UNC5D: variants seen among roughly 807,000 people sequenced by gnomAD.
The protein encoded by UNC5D is netrin receptor UNC5D.
In UNC5D, 39 loss-of-function variants were observed where a neutral mutation model predicts 105.4. That is an observed-to-expected ratio of 0.37 (90% CI 0.29 to 0.48). UNC5D has a LOEUF of 0.48. Ranked by LOEUF, UNC5D falls within the 20% of genes least tolerant of loss-of-function variation. The pLI is 0.98. For missense variants in UNC5D, 991 were observed against 1,202.4 expected, an observed-to-expected ratio of 0.82 and a Z score of 2.60; for synonymous variants, 452 against 450.4, an observed-to-expected ratio of 1.00 and a Z score of -0.04.
At chr8:35,654,197 A>G (rs1265152854) in intron 4 of UNC5D, among the ~76,000 whole-genome samples, 1 of 152,118 alleles carries the variant, frequency 6.6e-6, no homozygotes, top group Non-Finnish European at 1.5e-5. Context: ...GGTTACATGG[A>G]TAAATCCTGT....
intron 1 of UNC5D, among the ~76,000 whole-genome samples, chr8:35,368,094 C>A (rs906389655): frequency 6.6e-6 from 1 of 152,122 alleles, no homozygotes; most frequent in Non-Finnish European, 1.5e-5. Flanking sequence ...TGACATATTT[C>A]CAAATGCCTG....
intron 3 of UNC5D, 36 bp from the exon 4 acceptor site, chr8:35,595,518 G>C (rs1263112184): frequency 1.9e-6 from 3 of 1,600,548 alleles, no homozygotes; most frequent in African/African-American, 2.7e-5. Flanking sequence ...CACTAGACTT[G>C]AAACAAAGTG....
At position 35,346,846 on chromosome 8, in the gene UNC5D, C is replaced by CT. The variant is rs529742287; in HGVS notation, c.103+110967dup. On this transcript the variant is annotated intron_variant, in intron 1 of 16. Transcript: ENST00000404895. ...GTTCACTGCTCCTTAATATATACAT[C>CT]TTTTTTTTCTTCTAATGATTCTGTA... 2.3e-4 allele frequency among the ~76,000 whole-genome samples: 35 copies of CT among 151,844 alleles called. No individual in the cohort carries two copies. In the East Asian group the frequency reaches 3.9e-3, roughly 17 times the overall value.
At chr8:35,608,546 C>G (rs544508406) in intron 4 of UNC5D, among the ~76,000 whole-genome samples, 1 of 152,254 alleles carries the variant, frequency 6.6e-6, no homozygotes, top group African/African-American at 2.4e-5. Context: ...AATTTCTCAT[C>G]ATCCATCCCC....
chr8:35,760,923 C>T, intron 14 of UNC5D, among the ~76,000 whole-genome samples: 1 of 152,088 alleles, frequency 6.6e-6, no homozygotes, highest in East Asian at 1.9e-4. Context: ...GATTTTTAAA[C>T]TGGACAGGGC....
chr8:35,563,348 A>G (rs1277788888), intron 2 of UNC5D, among the ~76,000 whole-genome samples: 1 of 88,832 alleles, frequency 1.1e-5, no homozygotes, highest in Non-Finnish European at 2.0e-5. Context: ...ATTCCCAGGT[A>G]TTTTTTGTGG....
intron 7 of UNC5D, among the ~76,000 whole-genome samples, chr8:35,699,263 C>T (rs1827008902): frequency 6.6e-6 from 1 of 152,082 alleles, no homozygotes; most frequent in Admixed American, 6.6e-5. Flanking sequence ...CCAGTCCCCC[C>T]AGTTTGAAAG....
At chr8:35,345,281 C>T (rs1342198278) in intron 1 of UNC5D, among the ~76,000 whole-genome samples, 1 of 151,832 alleles carries the variant, frequency 6.6e-6, no homozygotes, top group African/African-American at 2.4e-5. Context: ...TAGAATTTTC[C>T]ATGACCCCTT....
At chr8:35,768,134 A>G (rs1412489159) in intron 15 of UNC5D, among the ~76,000 whole-genome samples, 5 of 152,016 alleles carry the variant, frequency 3.3e-5, no homozygotes, top group Non-Finnish European at 5.9e-5. Context: ...TTATAGCTGT[A>G]TAGCATTATT....
intron 1 of UNC5D, among the ~76,000 whole-genome samples, chr8:35,250,975 A>T (rs1399931667): frequency 6.6e-6 from 1 of 152,178 alleles, no homozygotes; most frequent in African/African-American, 2.4e-5. Context: ...CATGGATTTA[A>T]TGCATGCATT....
At chr8:35,490,067 A>G (rs1482903946) in intron 1 of UNC5D, among the ~76,000 whole-genome samples, 1 of 152,226 alleles carries the variant, frequency 6.6e-6, no homozygotes, top group African/African-American at 2.4e-5. Context: ...CATTATGAAG[A>G]TATTACGTTT....
At chr8:35,594,677 C>T (rs1819378667) in intron 3 of UNC5D, among the ~76,000 whole-genome samples, 2 of 152,140 alleles carry the variant, frequency 1.3e-5, no homozygotes, top group Non-Finnish European at 1.5e-5. Flanking sequence ...TTTAATGAAG[C>T]GTGTGCTCAA....
intron 1 of UNC5D, among the ~76,000 whole-genome samples, chr8:35,259,752 T>C (rs1453531831): frequency 2.0e-5 from 3 of 152,006 alleles, no homozygotes; most frequent in Non-Finnish European, 2.9e-5. Flanking sequence ...CTGATCTTTT[T>C]TTTTTTTTTT....
At position 35,796,403 on chromosome 8, in the gene UNC5D, G is replaced by A. The variant is rs745900716; in HGVS notation, c.*5840G>A. The A allele has an allele frequency of 2.1e-5, 3 of 140,462 alleles. No homozygotes were observed. The highest frequency in any genetic ancestry group is 3.0e-5 in the Non-Finnish European group (2 of 66,698). 8.7% of individuals were successfully genotyped at this position (140,462 alleles called of 1,614,324 possible). ...TTATATTGTATTGAACAAAATGGAC[G>A]GTTTGGATGTTTTATGTCGAGTTTG... On this transcript the variant is annotated 3_prime_UTR_variant, in exon 17 of 17. Transcript: ENST00000404895.
chr8:35,619,493 A>G (rs1334666144), intron 4 of UNC5D, among the ~76,000 whole-genome samples: 5 of 152,186 alleles, frequency 3.3e-5, no homozygotes, highest in African/African-American at 9.7e-5. Context: ...TCCATCCTGA[A>G]AAAAAACTGG....
chr8:35,706,895 C>G lies in UNC5D; in HGVS notation c.1117+934C>G, dbSNP rs188831226. ...GTGTTAATATGTTCCCCAAGTCATTCTCATACATCAGAAATATGTAAAGGA... is the reference window on the plus strand; with the variant it reads ...GTGTTAATATGTTCCCCAAGTCATTGTCATACATCAGAAATATGTAAAGGA... On this transcript the variant is annotated intron_variant, in intron 8 of 16. Coordinates refer to ENST00000404895, the MANE Select transcript of UNC5D (RefSeq NM_080872.4). 2.0e-5 allele frequency among the ~76,000 whole-genome samples: 3 copies of G among 152,228 alleles called. No homozygotes were observed. In the East Asian group the frequency reaches 5.8e-4, roughly 29 times the overall value.
intron 8 of UNC5D, among the ~76,000 whole-genome samples, chr8:35,708,590 G>T (rs1467676970): frequency 1.3e-5 from 2 of 152,180 alleles, no homozygotes; most frequent in African/African-American, 4.8e-5. Context: ...TGGTTGCCTT[G>T]AGACAATAAG....
chr8:35,350,895 C>G (rs1444829507), intron 1 of UNC5D, among the ~76,000 whole-genome samples: 2 of 152,022 alleles, frequency 1.3e-5, no homozygotes, highest in Non-Finnish European at 2.9e-5. Context: ...GTTTTCAGCA[C>G]AATCCCTTAA....
At chr8:35,280,272 A>C (rs1806058880) in intron 1 of UNC5D, among the ~76,000 whole-genome samples, 1 of 152,156 alleles carries the variant, frequency 6.6e-6, no homozygotes, top group Non-Finnish European at 1.5e-5. Flanking sequence ...CTGGGATTAC[A>C]GGCATGTGCT....
Sources: allele counts gnomAD v4.1 joint callset (sites outside exome capture counted in the v4.1 genomes callset), GRCh38; gene constraint gnomAD v4.1.1; transcripts MANE v1.5; gene names NCBI Gene and HGNC (gene_info 2026-07-23, HGNC 2026-07-21).